Variants in HPSE2 observed in about 807,000 individuals in gnomAD.
HPSE2 encodes the protein heparanase 2 (inactive).
In HPSE2, 38 loss-of-function variants were observed where a neutral mutation model predicts 60.5. That is an observed-to-expected ratio of 0.63 (90% confidence interval 0.48 to 0.82). HPSE2 has a LOEUF of 0.82. Ranked by LOEUF, HPSE2 falls within the 40% of genes least tolerant of loss-of-function variation. The pLI, the probability that HPSE2 is intolerant of heterozygous loss-of-function variation, is 0.00. For missense variants in HPSE2, 713 were observed against 740.4 expected (o/e 0.96, Z 0.43); for synonymous variants, 295 against 293.2 (o/e 1.01, Z -0.06).
intron 9 of HPSE2, among the ~76,000 whole-genome samples, chr10:98,502,238 AC>A (rs1942049795): frequency 1.3e-5 from 2 of 152,240 alleles, no homozygotes; most frequent in South Asian, 4.1e-4. Flanking sequence ...CTGCATAGCC[AC>A]AGCAAGACTA....
intron 3 of HPSE2, among the ~76,000 whole-genome samples, chr10:98,953,435 G>A (rs1221278618): frequency 6.6e-6 from 1 of 152,092 alleles, no homozygotes; most frequent in Non-Finnish European, 1.5e-5. Flanking sequence ...CAAGGACCTG[G>A]GCAGACTCAG....
the HPSE2 span, among the ~76,000 whole-genome samples, chr10:99,285,859 A>T: frequency 6.6e-6 from 1 of 152,160 alleles, no homozygotes; most frequent in Non-Finnish European, 1.5e-5. Flanking sequence ...CAGGAGGCAG[A>T]GGTTGAAGTG....
chr10:99,235,673 T>G lies in HPSE2; in HGVS notation c.130A>C (p.Arg44=), dbSNP rs777269780. The G allele has an allele frequency of 6.2e-7, 1 of 1,614,024 alleles. No homozygotes were observed. The highest frequency in any genetic ancestry group is 1.7e-5 in the Admixed American group (1 of 60,014). Residue 44 remains arginine, a synonymous_variant, in exon 1 of 12, where the codon AGG becomes CGG. Coordinates refer to ENST00000370552, the MANE Select transcript of HPSE2 (RefSeq NM_021828.5). ...GCTCTGTCTACAGGCAAGGGTCTCC[T>G]GTCTCCAGCCTGGGAGGAAAGGGAG... The part of the protein sequence containing the change: ...HLSLSSQAGD[R]RPLPVDRAAG...
intron 9 of HPSE2, among the ~76,000 whole-genome samples, chr10:98,609,781 C>T (rs10748746): frequency 0.84 from 126,777 of 151,334 alleles, 54,226 homozygotes; most frequent in Non-Finnish European, 0.93. Flanking sequence ...TACCATAGTT[C>T]CAGGCTCCTG....
intron 3 of HPSE2, among the ~76,000 whole-genome samples, chr10:98,914,112 G>C (rs559036834): frequency 4.6e-5 from 7 of 152,254 alleles, no homozygotes; most frequent in Non-Finnish European, 1.0e-4. Context: ...ATCGTGGGAG[G>C]GACCCAGTGG....
At chr10:99,248,276 G>C in the HPSE2 span, among the ~76,000 whole-genome samples, 2 of 152,214 alleles carry the variant, frequency 1.3e-5, no homozygotes, top group African/African-American at 4.8e-5. Context: ...ATGAAGTCCA[G>C]GCTGAGATGG....
At chr10:99,169,880 T>G (rs1220192711) in intron 2 of HPSE2, among the ~76,000 whole-genome samples, 2 of 152,156 alleles carry the variant, frequency 1.3e-5, no homozygotes, top group Non-Finnish European at 2.9e-5. Context: ...TTGCAACTAC[T>G]CAACTCTGTG....
chr10:99,112,180 TC>T (rs554002219), intron 3 of HPSE2, among the ~76,000 whole-genome samples: 23 of 152,340 alleles, frequency 1.5e-4, no homozygotes, highest in African/African-American at 5.3e-4. Flanking sequence ...TGAAAATTTC[TC>T]CCTAATACAG....
At chr10:98,883,891 A>C (rs1953093487) in intron 3 of HPSE2, among the ~76,000 whole-genome samples, 1 of 152,136 alleles carries the variant, frequency 6.6e-6, no homozygotes, top group African/African-American at 2.4e-5. Flanking sequence ...TTTAAATCAA[A>C]AGCTCAAAAC....
At chr10:98,477,302 A>C (rs1267758609) in intron 11 of HPSE2, among the ~76,000 whole-genome samples, 2 of 152,186 alleles carry the variant, frequency 1.3e-5, no homozygotes, top group African/African-American at 4.8e-5. Flanking sequence ...TTATACAATT[A>C]AGTGTTCAGA....
intron 2 of HPSE2, among the ~76,000 whole-genome samples, chr10:99,232,051 C>CA (rs1849661062): frequency 1.3e-5 from 2 of 152,258 alleles, no homozygotes; most frequent in African/African-American, 4.8e-5. Context: ...AGCCGCCCAG[C>CA]AAAAGGCCGG....
chr10:99,202,835 C>A (rs1254500115), intron 2 of HPSE2, among the ~76,000 whole-genome samples: 3 of 151,940 alleles, frequency 2.0e-5, no homozygotes, highest in Admixed American at 6.6e-5. Context: ...AGGCATAGCA[C>A]AAAAAATAAG....
chr10:98,475,490 C>A (rs1940971789), intron 11 of HPSE2, among the ~76,000 whole-genome samples: 1 of 151,996 alleles, frequency 6.6e-6, no homozygotes, highest in Non-Finnish European at 1.5e-5. Flanking sequence ...GAAGTTATGT[C>A]TGACACAAAG....
At chr10:98,997,975 G>A (rs770150950) in intron 3 of HPSE2, among the ~76,000 whole-genome samples, 3 of 152,188 alleles carry the variant, frequency 2.0e-5, no homozygotes, top group African/African-American at 4.8e-5. Flanking sequence ...TCTCACAGAA[G>A]GTATGTCCCA....
intron 3 of HPSE2, among the ~76,000 whole-genome samples, chr10:99,100,249 G>C (rs761089610): frequency 1.3e-5 from 2 of 152,122 alleles, no homozygotes; most frequent in Non-Finnish European, 2.9e-5. Flanking sequence ...CTTGAAAAAA[G>C]ATTAGATGAA....
chr10:99,256,066 T>G, the HPSE2 span, among the ~76,000 whole-genome samples: 1 of 151,990 alleles, frequency 6.6e-6, no homozygotes, highest in Admixed American at 6.5e-5. Context: ...CAACCAGATC[T>G]CATGATAACT....
intron 3 of HPSE2, among the ~76,000 whole-genome samples, chr10:99,063,328 C>T (rs752421317): frequency 1.4e-4 from 21 of 151,630 alleles, no homozygotes; most frequent in Non-Finnish European, 2.9e-4. Context: ...AAACAACACA[C>T]ACACAGAAAA....
chr10:99,244,448 C>A, the HPSE2 span, among the ~76,000 whole-genome samples: 1 of 147,704 alleles, frequency 6.8e-6, no homozygotes, highest in Non-Finnish European at 1.5e-5. Flanking sequence ...ACTCTGTCAC[C>A]CAGGCTGGAG....
At chr10:99,093,406 G>A (rs989025764) in intron 3 of HPSE2, among the ~76,000 whole-genome samples, 1 of 151,952 alleles carries the variant, frequency 6.6e-6, no homozygotes, top group African/African-American at 2.4e-5. Flanking sequence ...CATTCACGTG[G>A]TTTACGCAGC....
Sources: allele counts gnomAD v4.1 joint callset (sites outside exome capture counted in the v4.1 genomes callset), GRCh38; gene constraint gnomAD v4.1.1; transcripts MANE v1.5; gene names NCBI Gene and HGNC (gene_info 2026-07-23, HGNC 2026-07-21).